TTC6: variants seen among roughly 807,000 people sequenced by gnomAD.
TTC6 encodes tetratricopeptide repeat protein 6.
TTC6 carries 172 observed loss-of-function variants against 210.4 expected under a neutral mutation model. The ratio of observed to expected loss-of-function variants is 0.82; its 90% CI spans 0.72 to 0.93. The LOEUF (loss-of-function observed/expected upper bound fraction) is 0.93. Among genes scored for constraint, TTC6 ranks in the 40% least tolerant of loss-of-function variants. The pLI is 0.00. For missense variants in TTC6, 2,414 were observed against 2,318.1 expected, an observed-to-expected ratio of 1.04 and a Z score of -0.85; for synonymous variants, 804 against 819.6, an observed-to-expected ratio of 0.98 and a Z score of 0.32.
At chr14:37,806,434 G>A in exon 22 of TTC6, 1 of 1,535,682 alleles carries the variant, frequency 6.5e-7, no homozygotes, top group South Asian at 1.2e-5. Context: ...CGAGGGCTTT[G>A]TAAAGTGAAA....
intron 1 of TTC6, among the ~76,000 whole-genome samples, chr14:37,633,842 C>A (rs371813652): frequency 1.4e-4 from 21 of 152,176 alleles, no homozygotes; most frequent in East Asian, 9.6e-4. Flanking sequence ...GGAGCCAAAA[C>A]TCCTAGTCCC....
intron 1 of TTC6, among the ~76,000 whole-genome samples, chr14:37,605,966 C>T (rs1352135053): frequency 6.6e-6 from 1 of 151,902 alleles, no homozygotes; most frequent in Non-Finnish European, 1.5e-5. Context: ...AGGTCATGCC[C>T]CAATGCCAGA....
chr14:37,664,267 G>A (rs994230820), intron 1 of TTC6, among the ~76,000 whole-genome samples: 9 of 150,618 alleles, frequency 6.0e-5, no homozygotes, highest in African/African-American at 2.2e-4. Flanking sequence ...AAAGGCTACA[G>A]TAACCACAAC....
rs192613412 is a variant in TTC6, at chr14:37,604,920, G to C, written c.-234-1743G>C. 6.6e-5 allele frequency among the ~76,000 whole-genome samples: 10 copies of C among 152,298 alleles called. No homozygotes were observed. In the East Asian group the frequency reaches 1.9e-3, roughly 29 times the overall value. ...CCCAAGATGTCATTATATCAAGGAAGCTTTAGTTGCTCTCTTCAAAAATTA... is the reference window on the plus strand; with the variant it reads ...CCCAAGATGTCATTATATCAAGGAACCTTTAGTTGCTCTCTTCAAAAATTA... On this transcript the variant is annotated intron_variant, in intron 1 of 2. Transcript: ENST00000556845.
chr14:37,667,761 T>TA (rs1164070038), intron 1 of TTC6, among the ~76,000 whole-genome samples: 1 of 150,814 alleles, frequency 6.6e-6, no homozygotes, highest in African/African-American at 2.4e-5. Flanking sequence ...TTCACTTGGA[T>TA]CCTTACAGTG....
At chr14:37,763,004 C>T (rs543683499) in intron 14 of TTC6, among the ~76,000 whole-genome samples, 42 of 151,392 alleles carry the variant, frequency 2.8e-4, no homozygotes, top group African/African-American at 9.2e-4. Flanking sequence ...CCTGCCTCAG[C>T]CTCCGGAGTA....
chr14:37,801,428 G>T (rs1468160398), intron 20 of TTC6, among the ~76,000 whole-genome samples: 1 of 152,188 alleles, frequency 6.6e-6, no homozygotes, highest in African/African-American at 2.4e-5. Flanking sequence ...CACACTCTAA[G>T]ATTATTCTTA....
chr14:37,648,920 G>A (rs1001006915), intron 1 of TTC6, among the ~76,000 whole-genome samples: 2 of 152,108 alleles, frequency 1.3e-5, no homozygotes, highest in African/African-American at 4.8e-5. Context: ...GTCTCAGCAT[G>A]TAGTGGGTTT....
At chr14:37,596,896 G>A (rs1186569889) in intron 1 of TTC6, among the ~76,000 whole-genome samples, 1 of 152,060 alleles carries the variant, frequency 6.6e-6, no homozygotes, top group Non-Finnish European at 1.5e-5. Flanking sequence ...TCTGGCAAGA[G>A]AATCACTTTA....
At chr14:37,635,540 T>C (rs1476565331) in intron 1 of TTC6, among the ~76,000 whole-genome samples, 1 of 152,324 alleles carries the variant, frequency 6.6e-6, no homozygotes, top group East Asian at 1.9e-4. Flanking sequence ...AATGATATAT[T>C]GTCTACGAGA....
intron 6 of TTC6, among the ~76,000 whole-genome samples, chr14:37,718,951 C>G (rs549904816): frequency 7.9e-5 from 12 of 152,010 alleles, no homozygotes; most frequent in African/African-American, 2.4e-4. Context: ...TAAATAAGTT[C>G]TGAGGAATCT....
chr14:37,791,166 A>G (rs1262123409), intron 16 of TTC6, among the ~76,000 whole-genome samples: 1 of 152,160 alleles, frequency 6.6e-6, no homozygotes, highest in Non-Finnish European at 1.5e-5. Flanking sequence ...CTTCATGGAA[A>G]ACTGTCATTA....
At chr14:37,820,946 T>C (rs1427671200) in intron 26 of TTC6, among the ~76,000 whole-genome samples, 5 of 143,712 alleles carry the variant, frequency 3.5e-5, no homozygotes, top group Non-Finnish European at 7.4e-5. Flanking sequence ...CTCCTTCTTC[T>C]CCTCCTCCTT....
intron 7 of TTC6, among the ~76,000 whole-genome samples, chr14:37,732,083 A>G (rs1030739963): frequency 2.0e-5 from 3 of 151,918 alleles, no homozygotes; most frequent in Non-Finnish European, 4.4e-5. Context: ...CCAAAAACTT[A>G]ACTACAAATA....
intron 1 of TTC6, among the ~76,000 whole-genome samples, chr14:37,599,507 A>C (rs79054969): frequency 1.3e-5 from 2 of 152,154 alleles, no homozygotes; most frequent in African/African-American, 4.8e-5. Flanking sequence ...ACAAACAAAA[A>C]CAGCCACTGG....
chr14:37,802,400 T>TA (rs578038487), intron 20 of TTC6: 3,417 of 147,740 alleles, frequency 0.023, 114 homozygotes, highest in African/African-American at 0.071. Context: ...TAAAATAAAA[T>TA]AAAAAAAAAA....
chr14:37,669,386 C>CA (rs1259791840), intron 1 of TTC6, among the ~76,000 whole-genome samples: 1 of 152,162 alleles, frequency 6.6e-6, no homozygotes, highest in Non-Finnish European at 1.5e-5. Context: ...GAAAGGATCT[C>CA]AAAATCAATC....
intron 1 of TTC6, among the ~76,000 whole-genome samples, chr14:37,657,754 A>C (rs1178477780): frequency 6.6e-6 from 1 of 152,232 alleles, no homozygotes; most frequent in Non-Finnish European, 1.5e-5. Context: ...ATTTTGGAGG[A>C]AGATGCCAAT....
At chr14:37,830,961 T>A (rs1282714998) in intron 29 of TTC6, among the ~76,000 whole-genome samples, 1 of 152,176 alleles carries the variant, frequency 6.6e-6, no homozygotes, top group African/African-American at 2.4e-5. Flanking sequence ...TCTAGCCATT[T>A]TGAAATATAC....
Sources: allele counts gnomAD v4.1 joint callset (sites outside exome capture counted in the v4.1 genomes callset), GRCh38; gene constraint gnomAD v4.1.1; transcripts MANE v1.5; gene names NCBI Gene and HGNC (gene_info 2026-07-23, HGNC 2026-07-21).